Variants in UBXN2B observed in about 807,000 individuals in gnomAD.
The protein encoded by UBXN2B is UBX domain protein 2B.
Under a neutral mutation model 37.5 loss-of-function variants are expected in UBXN2B, and 19 were observed. The ratio of observed to expected loss-of-function variants is 0.51; its 90% confidence interval spans 0.35 to 0.74. The LOEUF is 0.74. UBXN2B is among the 30% of genes least tolerant of loss of function. The pLI is 0.01. For missense variants in UBXN2B, 370 were observed against 393.2 expected, an observed-to-expected ratio of 0.94 and a Z score of 0.50; for synonymous variants, 145 against 143.8, an observed-to-expected ratio of 1.01 and a Z score of -0.06.
intron 5 of UBXN2B, among the ~76,000 whole-genome samples, chr8:58,437,950 GCCC>G (rs35647877): frequency 7.0e-6 from 1 of 143,836 alleles, no homozygotes; most frequent in Non-Finnish European, 1.5e-5. Context: ...CTTTAAGGCA[GCCC>G]CCCCCCCAAC....
chr8:58,411,406 T>A lies in UBXN2B; in HGVS notation c.21T>A (p.Pro7=). MAEGGG[P]EPGEQERRSS... ...GGAAGATGGCGGAGGGCGGAGGCCC[T>A]GAGCCCGGCGAGCAGGAGAGGAGGT... The change falls in exon 1 of 8, where the codon CCT becomes CCA. Residue 7 remains proline (P), a synonymous_variant. Transcript: ENST00000399598. The A allele has an allele frequency of 2.4e-6, 3 of 1,269,192 alleles. No homozygotes were observed. The highest frequency in any genetic ancestry group is 2.9e-5 in the South Asian group (1 of 34,714). The allele number at this position is 1,269,192 out of a possible 1,614,324, so 78.6% of individuals were successfully genotyped here. A position where few individuals can be genotyped will look rare whatever the true frequency, so the allele number is the denominator to read the frequency against.
At chr8:58,413,408 C>A (rs1420858502) in intron 1 of UBXN2B, 1 of 152,136 alleles carries the variant, frequency 6.6e-6, no homozygotes, top group Non-Finnish European at 1.5e-5. Flanking sequence ...AAATAATGTT[C>A]TTCCCAAATG....
chr8:58,411,581 C>T (rs2129603518), intron 1 of UBXN2B, 112 bp downstream of exon 1: 2 of 895,372 alleles, frequency 2.2e-6, no homozygotes, highest in East Asian at 3.3e-5. Flanking sequence ...TTCCCCGACC[C>T]CGTCTGGGGA....
At chr8:58,415,982 G>A (rs1031257167) in intron 1 of UBXN2B, among the ~76,000 whole-genome samples, 5 of 151,164 alleles carry the variant, frequency 3.3e-5, no homozygotes, top group African/African-American at 1.2e-4. Flanking sequence ...TATCATTTGT[G>A]TGTCTAAAAG....
intron 4 of UBXN2B, 151 bp downstream of exon 4, chr8:58,433,394 T>A (rs1017691921): frequency 8.6e-6 from 5 of 581,156 alleles, no homozygotes; most frequent in Middle Eastern, 4.5e-4. Context: ...GAGTTTTCAG[T>A]CTCGATCTTT....
chr8:58,431,130 C>T (rs1346090651), intron 3 of UBXN2B, among the ~76,000 whole-genome samples: 1 of 152,216 alleles, frequency 6.6e-6, no homozygotes, highest in African/African-American at 2.4e-5. Flanking sequence ...TCTCTCATGC[C>T]ATCCCTAACC....
chr8:58,430,003 T>C (rs906039484), intron 2 of UBXN2B, among the ~76,000 whole-genome samples: 4 of 151,948 alleles, frequency 2.6e-5, no homozygotes, highest in Admixed American at 6.5e-5. Context: ...ACGCAGGGGC[T>C]TTTAAGGGAG....
At position 58,449,475 on chromosome 8, in the gene UBXN2B, T is replaced by TA. The variant is rs1808756643; in HGVS notation, c.*1927dup. On this transcript the variant is annotated 3_prime_UTR_variant, in exon 8 of 8. Coordinates refer to ENST00000399598, the MANE Select transcript of UBXN2B (RefSeq NM_001077619.2). Reference sequence around the variant, plus strand: ...TCTCAAATCTCACATTGAAGCCATCTAAATTAAGTTTGGGAGAGGATCTGT... The same window carrying TA: ...TCTCAAATCTCACATTGAAGCCATCTAAAATTAAGTTTGGGAGAGGATCTGT... 1 of 152,254 alleles carries TA rather than the reference T, an allele frequency of 6.6e-6. No homozygotes were observed. Among genetic ancestry groups the TA allele is most frequent in the Admixed American group, 6.5e-5 (1 of 15,286 alleles). 9.4% of individuals were successfully genotyped at this position (152,254 alleles called of 1,614,324 possible).
At position 58,439,753 on chromosome 8, in the gene UBXN2B, A is replaced by C. The variant is rs1808497680; in HGVS notation, c.654A>C (p.Glu218Asp). Residue 218 changes from glutamate (E) to aspartate (D), a missense_variant, in exon 6 of 8, where the codon GAA becomes GAC. Coordinates refer to ENST00000399598, the MANE Select transcript of UBXN2B (RefSeq NM_001077619.2). ...TGAGGTTCAAGGCTTTTAGTGGAGA[A>C]GGGCAAAAACTTGGAAGGTAAAAAT... is the stretch of plus-strand genomic sequence containing the variant. ...PRLRFKAFSG[E>D]GQKLGSLTPE... 1 of 1,599,856 alleles carries C rather than the reference A, an allele frequency of 6.3e-7. No individual in the cohort carries two copies. The highest frequency in any genetic ancestry group is 1.1e-5 in the South Asian group (1 of 87,214).
Position 58,411,446 on chromosome 8 carries a change from C to A in UBXN2B, c.61C>A (p.Pro21Thr). The change falls in exon 1 of 8, where the codon CCT (proline) becomes ACT (threonine). Residue 21 changes from proline (P) to threonine (T), a missense_variant. This residue lies in a region of UBXN2B where 197 missense variants were observed against 170.2 expected (regional missense o/e 1.16). Coordinates refer to ENST00000399598, the MANE Select transcript of UBXN2B (RefSeq NM_001077619.2). ...GGAGAGGAGGTCTTCCGGGCCGCGG[C>A]CTCCGAGCGCGCGGGATTTGCAGGT... ...EQERRSSGPR[P>T]PSARDLQLAL... 1 of 1,257,520 alleles carries A rather than the reference C, an allele frequency of 8.0e-7. No homozygotes were observed. Among genetic ancestry groups the A allele is most frequent in the Non-Finnish European group, 1.0e-6 (1 of 995,670 alleles). 77.9% of individuals were successfully genotyped at this position (1,257,520 alleles called of 1,614,324 possible). A position where few individuals can be genotyped will look rare whatever the true frequency, so the allele number is the denominator to read the frequency against.
intron 5 of UBXN2B, among the ~76,000 whole-genome samples, chr8:58,438,738 G>A (rs1341759606): frequency 6.6e-6 from 1 of 152,184 alleles, no homozygotes; most frequent in Admixed American, 6.5e-5. Context: ...ATGCTGGAAC[G>A]AGTTAAAACT....
chr8:58,437,331 T>C (rs1279561131), intron 5 of UBXN2B, among the ~76,000 whole-genome samples: 8 of 138,386 alleles, frequency 5.8e-5, no homozygotes, highest in Admixed American at 2.1e-4. Flanking sequence ...TTTTTTTTTT[T>C]TTTTTTTTTT....
rs1290695745 is a variant in UBXN2B, at chr8:58,430,588, T to A, written c.258T>A (p.Asn86Lys). 2 of 1,606,570 alleles carry A rather than the reference T, an allele frequency of 1.2e-6. No homozygotes were observed. Among genetic ancestry groups the A allele is most frequent in the Non-Finnish European group, 1.7e-6 (2 of 1,175,750 alleles). The change falls in exon 3 of 8, where the codon AAT (asparagine) becomes AAA (lysine). Residue 86 changes from asparagine (N) to lysine (K), a missense_variant. Asn to Lys is a moderately conservative substitution (Grantham distance 94). Around this residue, in one of 3 missense-constraint regions of UBXN2B, gnomAD observed 197 missense variants for 170.2 expected, o/e 1.16. Coordinates refer to ENST00000399598, the MANE Select transcript of UBXN2B (RefSeq NM_001077619.2). ...GACCTTCAACTGGGAAAATTGTGAATGAACTTTTCAAAGAGGCAAGGGAAC... is the reference window on the plus strand; with the variant it reads ...GACCTTCAACTGGGAAAATTGTGAAAGAACTTTTCAAAGAGGCAAGGGAAC... ...IVRPSTGKIV[N>K]ELFKEAREHG...
At chr8:58,421,588 T>G (rs1483015922) in intron 2 of UBXN2B, among the ~76,000 whole-genome samples, 2 of 152,194 alleles carry the variant, frequency 1.3e-5, no homozygotes, top group Admixed American at 1.3e-4. Flanking sequence ...CTGACTGGGC[T>G]CTCTCATTAC....
At chr8:58,428,575 G>A (rs1389880960) in intron 2 of UBXN2B, among the ~76,000 whole-genome samples, 1 of 151,940 alleles carries the variant, frequency 6.6e-6, no homozygotes, top group East Asian at 1.9e-4. Flanking sequence ...TCCTTTTAAG[G>A]CCCAGCTGAG....
chr8:58,426,818 G>T, intron 2 of UBXN2B: 1 of 584,076 alleles, frequency 1.7e-6, no homozygotes, highest in South Asian at 1.5e-5. Context: ...ACTGTGCACA[G>T]ACCCCCCTCC....
chr8:58,411,541 TG>T, intron 1 of UBXN2B, 72 bp downstream of exon 1: 1 of 1,177,224 alleles, frequency 8.5e-7, no homozygotes, highest in Non-Finnish European at 1.1e-6. Context: ...TGGTGCGAGT[TG>T]GAGGCCACCT....
intron 2 of UBXN2B, among the ~76,000 whole-genome samples, chr8:58,427,047 A>G (rs1808118538): frequency 6.6e-6 from 1 of 152,266 alleles, no homozygotes; most frequent in Admixed American, 6.5e-5. Flanking sequence ...GTTAGCTATT[A>G]CTATTCATTT....
intron 2 of UBXN2B, among the ~76,000 whole-genome samples, chr8:58,430,219 A>G (rs1266772737): frequency 6.6e-6 from 1 of 152,198 alleles, no homozygotes; most frequent in African/African-American, 2.4e-5. Context: ...GAATTAGTGA[A>G]TGAGATGTAT....
Sources: gnomAD v4.1 joint callset for allele counts (sites outside exome capture counted in the v4.1 genomes callset) on GRCh38, gnomAD v4.1.1 for gene constraint, gnomAD v4.1.1 regional missense constraint, MANE v1.5 for transcripts, NCBI Gene and HGNC (gene_info 2026-07-23, HGNC 2026-07-21) for gene names.